The following FAM110B variants were observed in gnomAD, a reference collection of about 807,000 sequenced individuals.
FAM110B encodes family with sequence similarity 110 member B.
Under a neutral mutation model 20.4 loss-of-function variants are expected in FAM110B, and 6 were observed. The observed-to-expected ratio is 0.29, with a 90% CI of 0.16 to 0.58. FAM110B has a LOEUF of 0.58. Among genes scored for constraint, FAM110B ranks in the 20% least tolerant of loss-of-function variants. FAM110B has a pLI of 0.90. For missense variants in FAM110B, 434 were observed against 498.2 expected (o/e 0.87, Z 1.23); for synonymous variants, 226 against 214.1 (o/e 1.06, Z -0.49).
intron 2 of FAM110B, among the ~76,000 whole-genome samples, chr8:58,071,558 G>A (rs1355689662): frequency 6.6e-6 from 1 of 152,162 alleles, no homozygotes; most frequent in Admixed American, 6.5e-5. Context: ...GGTTAAAGGG[G>A]TTCTGTACTT....
chr8:58,071,417 C>T (rs16922990), intron 2 of FAM110B, among the ~76,000 whole-genome samples: 43,259 of 152,094 alleles, frequency 0.28, 8,018 homozygotes, highest in African/African-American at 0.53. Flanking sequence ...CCAGCCACCA[C>T]GCGTCTGCTG....
chr8:58,075,262 CTTTT>C (rs67819278), intron 2 of FAM110B, among the ~76,000 whole-genome samples: 14 of 125,032 alleles, frequency 1.1e-4, no homozygotes, highest in African/African-American at 3.0e-4. Context: ...CTAATTTTTG[CTTTT>C]TTTTTTTTTT....
rs761588397 is a variant in FAM110B, at chr8:58,146,740, C to T, written c.510C>T (p.Gly170=). The change falls in exon 4 of 4, where the codon GGC becomes GGT. Residue 170 remains glycine, a synonymous_variant. Transcript: ENST00000519262. ...CCCTGAAGGTCTACCCCACGCAGGG[C>T]CGCAGGAGCCCGCAGGAGGGCGGCT... ...AESLKVYPTQ[G]RRSPQEGGSH... 1 of 1,611,522 alleles carries T rather than the reference C, an allele frequency of 6.2e-7. No individual in the cohort carries two copies. The highest frequency in any genetic ancestry group is 1.1e-5 in the South Asian group (1 of 90,896).
chr8:58,139,772 C>CA (rs999245678), intron 3 of FAM110B, among the ~76,000 whole-genome samples: 12 of 151,724 alleles, frequency 7.9e-5, no homozygotes, highest in Admixed American at 5.3e-4. Context: ...ACTAAAATTA[C>CA]AAAAAAAATT....
chr8:58,108,044 TCTTCCAGGGGAAGAGGGCC>T (rs1248013904), intron 3 of FAM110B, among the ~76,000 whole-genome samples: 1 of 152,222 alleles, frequency 6.6e-6, no homozygotes, highest in East Asian at 1.9e-4. Context: ...TTGAATTTGT[TCTTCCAGGGGAAGAGGGCC>T]CTTCTTATAC....
intron 3 of FAM110B, among the ~76,000 whole-genome samples, chr8:58,087,813 G>T (rs1184311116): frequency 6.6e-6 from 1 of 152,100 alleles, no homozygotes; most frequent in Non-Finnish European, 1.5e-5. Context: ...ATACTTTGAA[G>T]ATTACTGATC....
In FAM110B at chr8:58,040,981, GC is replaced by G. The variant is rs1805205325; in HGVS notation, c.-414+9281del. 3.9e-5 allele frequency among the ~76,000 whole-genome samples: 4 copies of G among 102,630 alleles called. No individual in the cohort carries two copies. In the Admixed American group the frequency reaches 5.7e-4, roughly 15 times the overall value. The allele number at this position is 102,630 out of a possible 152,430, so 67.3% of individuals were successfully genotyped here. A position where few individuals can be genotyped will look rare whatever the true frequency, so the allele number is the denominator to read the frequency against. Reference sequence around the variant, plus strand: ...TTTGAGACAGAGTTTCACTCTTGTTGCCCAGTCTGGAGTGCAGTGGCGCGAT... The same window carrying G: ...TTTGAGACAGAGTTTCACTCTTGTTGCCAGTCTGGAGTGCAGTGGCGCGAT... On this transcript the variant is annotated intron_variant, in intron 2 of 3. Coordinates refer to ENST00000519262, the MANE Select transcript of FAM110B (RefSeq NM_001377989.1).
chr8:58,146,847 T>A lies in FAM110B; in HGVS notation c.617T>A (p.Val206Glu), dbSNP rs999027649. Reference protein sequence around the residue: ...VSHSSSDIRKVTSVKPLKAIP... With the variant: ...VSHSSSDIRKETSVKPLKAIP... ...CACAGCTCTTCGGACATCCGCAAGG[T>A]GACCAGCGTGAAGCCCCTCAAGGCC... Residue 206 changes from valine (V) to glutamate (E), a missense_variant, in exon 4 of 4, where the codon GTG becomes GAG. Coordinates refer to ENST00000519262, the MANE Select transcript of FAM110B (RefSeq NM_001377989.1). The A allele has an allele frequency of 1.9e-6, 3 of 1,613,088 alleles. No homozygotes were observed. The highest frequency in any genetic ancestry group is 2.5e-6 in the Non-Finnish European group (3 of 1,179,586).
intron 1 of FAM110B, among the ~76,000 whole-genome samples, chr8:58,010,896 A>G (rs1041932620): frequency 6.6e-6 from 1 of 152,204 alleles, no homozygotes. Context: ...AAGCTTGGCA[A>G]TGTCTGCTTT....
chr8:58,075,275 T>TTTTTTGTGTGTGTGTGTGTGTGTG (rs1554521068), intron 2 of FAM110B, among the ~76,000 whole-genome samples: 85 of 141,684 alleles, frequency 6.0e-4, no homozygotes, highest in African/African-American at 2.3e-3. Context: ...TTTTTTTTTT[T>TTTTTTGTGTGTGTGTGTGTGTGTG]TGTGTGTGTG....
intron 1 of FAM110B, among the ~76,000 whole-genome samples, chr8:57,995,777 C>G (rs921233004): frequency 2.0e-5 from 3 of 152,216 alleles, no homozygotes; most frequent in African/African-American, 7.2e-5. Flanking sequence ...AAAGTGCAGG[C>G]TTTCTTTCCT....
intron 1 of FAM110B, among the ~76,000 whole-genome samples, chr8:58,000,858 G>T (rs1407086334): frequency 1.1e-4 from 16 of 152,206 alleles, no homozygotes; most frequent in Non-Finnish European, 1.5e-5. Flanking sequence ...TCCCTAGCCA[G>T]TGTCCTTTCA....
At chr8:58,133,064 C>G (rs1430901103) in intron 3 of FAM110B, among the ~76,000 whole-genome samples, 1 of 152,022 alleles carries the variant, frequency 6.6e-6, no homozygotes, top group Non-Finnish European at 1.5e-5. Context: ...ATATTGAAGG[C>G]AAAGTTTTCA....
chr8:58,033,633 A>G (rs1174694681), intron 2 of FAM110B, among the ~76,000 whole-genome samples: 1 of 152,214 alleles, frequency 6.6e-6, no homozygotes, highest in Non-Finnish European at 1.5e-5. Context: ...TCAAAAGGAG[A>G]CATAACAAGC....
chr8:58,016,813 G>A (rs759297797), intron 1 of FAM110B, among the ~76,000 whole-genome samples: 3 of 152,166 alleles, frequency 2.0e-5, no homozygotes, highest in Admixed American at 1.3e-4. Flanking sequence ...GAATGAGGGA[G>A]GGAGTGTGTC....
chr8:58,078,395 A>G (rs1389072356), intron 3 of FAM110B, among the ~76,000 whole-genome samples: 4 of 152,334 alleles, frequency 2.6e-5, no homozygotes, highest in South Asian at 2.1e-4. Flanking sequence ...ACCAATTTCT[A>G]TGCATTATGC....
At chr8:58,096,527 T>C (rs1806634929) in intron 3 of FAM110B, among the ~76,000 whole-genome samples, 1 of 152,192 alleles carries the variant, frequency 6.6e-6, no homozygotes, top group Non-Finnish European at 1.5e-5. Context: ...AATTGGGGCA[T>C]TTAGCCCGTT....
intron 2 of FAM110B, among the ~76,000 whole-genome samples, chr8:58,069,648 A>T (rs969177584): frequency 4.6e-5 from 7 of 152,204 alleles, no homozygotes; most frequent in African/African-American, 1.7e-4. Context: ...CTTGATTAGC[A>T]CTTTTCCACT....
At chr8:58,020,589 G>A (rs1185940239) in intron 1 of FAM110B, among the ~76,000 whole-genome samples, 1 of 152,136 alleles carries the variant, frequency 6.6e-6, no homozygotes, top group African/African-American at 2.4e-5. Context: ...TTTCAGCTGG[G>A]AGAAAGTTGG....
Sources: gnomAD v4.1 joint callset for allele counts (sites outside exome capture counted in the v4.1 genomes callset) on GRCh38, gnomAD v4.1.1 for gene constraint, MANE v1.5 for transcripts, NCBI Gene and HGNC (gene_info 2026-07-23, HGNC 2026-07-21) for gene names.